The following ROBO1 variants were observed in gnomAD, a reference collection of about 807,000 sequenced individuals.
ROBO1 encodes the protein roundabout guidance receptor 1.
In ROBO1, 149 loss-of-function variants were observed where a neutral mutation model predicts 195.9. The observed-to-expected ratio is 0.76, with a 90% CI of 0.67 to 0.87. The LOEUF is 0.87. ROBO1 is among the 40% of genes least tolerant of loss of function. The pLI is 0.00. For synonymous variants in ROBO1, 816 were observed against 733.2 expected, an observed-to-expected ratio of 1.11 and a Z score of -1.82; for missense variants, 1,933 against 2,068.3, an observed-to-expected ratio of 0.93 and a Z score of 1.27.
At chr3:78,943,808 T>C (rs1184089463) in intron 3 of ROBO1, among the ~76,000 whole-genome samples, 2 of 152,192 alleles carry the variant, frequency 1.3e-5, no homozygotes, top group Non-Finnish European at 2.9e-5. Context: ...AACCTATTAC[T>C]TGACTATTAA....
chr3:78,661,853 T>C, intron 15 of ROBO1, 140 bp downstream of exon 15: 2 of 1,012,776 alleles, frequency 2.0e-6, no homozygotes, highest in Non-Finnish European at 2.8e-6. Context: ...ACCAAACTAA[T>C]AGCTACTGTA....
chr3:79,618,650 T>A (rs917482560), intron 1 of ROBO1, among the ~76,000 whole-genome samples: 6 of 152,158 alleles, frequency 3.9e-5, no homozygotes, highest in African/African-American at 1.2e-4. Flanking sequence ...CTAGTCTGCC[T>A]GCACCCAAGT....
intron 4 of ROBO1, among the ~76,000 whole-genome samples, chr3:78,765,981 GA>G: frequency 6.6e-6 from 1 of 152,082 alleles, no homozygotes; most frequent in South Asian, 2.1e-4. Flanking sequence ...AACTCCTATT[GA>G]TTTGTATTTA....
At chr3:79,247,091 T>C (rs2082638074) in intron 2 of ROBO1, among the ~76,000 whole-genome samples, 1 of 151,340 alleles carries the variant, frequency 6.6e-6, no homozygotes, top group Admixed American at 6.6e-5. Context: ...TATTATTGCA[T>C]AACGTTCTGG....
At chr3:79,499,061 C>T (rs1479364539) in intron 2 of ROBO1, among the ~76,000 whole-genome samples, 1 of 152,108 alleles carries the variant, frequency 6.6e-6, no homozygotes, top group Non-Finnish European at 1.5e-5. Flanking sequence ...ATGGCGAAAT[C>T]TCAGCTCACT....
chr3:78,725,590 G>C (rs1288406783), intron 5 of ROBO1, among the ~76,000 whole-genome samples: 1 of 152,092 alleles, frequency 6.6e-6, no homozygotes, highest in Admixed American at 6.5e-5. Flanking sequence ...TTAAGATGTA[G>C]CTTTTCTACC....
chr3:78,847,323 C>T (rs1423253880), intron 4 of ROBO1, among the ~76,000 whole-genome samples: 1 of 152,106 alleles, frequency 6.6e-6, no homozygotes. Context: ...GTGTATCTTA[C>T]ATAATAGGGA....
At chr3:79,206,174 C>T (rs2081862060) in intron 2 of ROBO1, among the ~76,000 whole-genome samples, 1 of 152,168 alleles carries the variant, frequency 6.6e-6, no homozygotes, top group South Asian at 2.1e-4. Context: ...AGAGTAACCA[C>T]ATGGTATATG....
At chr3:78,652,195 C>T (rs1021051201) in intron 18 of ROBO1, among the ~76,000 whole-genome samples, 6 of 152,096 alleles carry the variant, frequency 3.9e-5, no homozygotes, top group South Asian at 2.1e-4. Flanking sequence ...CTTCTCTTTT[C>T]GAACCAAAGA....
At chr3:79,610,039 T>G (rs1248491242) in intron 1 of ROBO1, among the ~76,000 whole-genome samples, 4 of 151,924 alleles carry the variant, frequency 2.6e-5, no homozygotes, top group African/African-American at 9.7e-5. Context: ...TCTAAAATTA[T>G]AAATAGACTA....
intron 2 of ROBO1, among the ~76,000 whole-genome samples, chr3:79,410,921 A>C (rs1163549077): frequency 3.9e-5 from 6 of 152,114 alleles, no homozygotes; most frequent in Admixed American, 2.6e-4. Context: ...AAAAGTCATA[A>C]GATTAGCAAT....
intron 4 of ROBO1, among the ~76,000 whole-genome samples, chr3:78,820,780 C>T (rs1188487275): frequency 6.6e-6 from 1 of 152,124 alleles, no homozygotes; most frequent in Non-Finnish European, 1.5e-5. Context: ...CAGACTGACT[C>T]TTATATCATT....
At chr3:79,136,235 A>C (rs998959401) in intron 2 of ROBO1, among the ~76,000 whole-genome samples, 1 of 152,124 alleles carries the variant, frequency 6.6e-6, no homozygotes, top group East Asian at 1.9e-4. Context: ...AATTTTATTT[A>C]TTTATTTTTA....
chr3:78,706,017 T>A (rs1217140102), intron 8 of ROBO1, among the ~76,000 whole-genome samples: 1 of 142,720 alleles, frequency 7.0e-6, no homozygotes, highest in Non-Finnish European at 1.5e-5. Flanking sequence ...CAGTAAACAA[T>A]GAGACTAACA....
At chr3:79,509,203 A>C (rs1940567074) in intron 2 of ROBO1, among the ~76,000 whole-genome samples, 1 of 152,172 alleles carries the variant, frequency 6.6e-6, no homozygotes. Context: ...TTCCTGTGAA[A>C]AAAACAACAT....
intron 2 of ROBO1, among the ~76,000 whole-genome samples, chr3:79,505,859 G>T (rs1271589786): frequency 1.3e-5 from 2 of 152,190 alleles, no homozygotes; most frequent in African/African-American, 4.8e-5. Context: ...AGAATTAATA[G>T]GTGAGGTATG....
At chr3:78,741,505 T>C (rs1380680930) in intron 5 of ROBO1, among the ~76,000 whole-genome samples, 1 of 152,200 alleles carries the variant, frequency 6.6e-6, no homozygotes, top group Admixed American at 6.5e-5. Context: ...AGTTTTTAGA[T>C]TGAACAAAAT....
chr3:79,484,242 C>G (rs183979107), intron 2 of ROBO1, among the ~76,000 whole-genome samples: 12 of 152,260 alleles, frequency 7.9e-5, no homozygotes, highest in Non-Finnish European at 1.6e-4. Flanking sequence ...AGGTGCTAGA[C>G]TGTACATTTC....
chr3:79,010,888 C>A (rs981154839), intron 3 of ROBO1, among the ~76,000 whole-genome samples: 16 of 152,100 alleles, frequency 1.1e-4, no homozygotes, highest in African/African-American at 3.6e-4. Flanking sequence ...AGTTTTTCTT[C>A]TACAGATTTA....
Sources: gnomAD v4.1 joint callset for allele counts (sites outside exome capture counted in the v4.1 genomes callset) on GRCh38, gnomAD v4.1.1 for gene constraint, MANE v1.5 for transcripts, NCBI Gene and HGNC (gene_info 2026-07-23, HGNC 2026-07-21) for gene names.